Variants in CWC27 observed in about 807,000 individuals in gnomAD.
CWC27 encodes the protein CWC27 spliceosome associated cyclophilin, also known as spliceosome-associated protein CWC27 homolog.
A neutral mutation model predicts 63.6 loss-of-function variants in CWC27; 47 were observed. That is an observed-to-expected ratio of 0.74 (90% CI 0.58 to 0.94). The LOEUF is 0.94. CWC27 is among the 40% of genes least tolerant of loss of function. The pLI, the probability that CWC27 is intolerant of heterozygous loss-of-function variation, is 0.00. For missense variants in CWC27, 495 were observed against 554.3 expected, an observed-to-expected ratio of 0.89 and a Z score of 1.07; for synonymous variants, 175 against 179.8, an observed-to-expected ratio of 0.97 and a Z score of 0.22.
intron 11 of CWC27, among the ~76,000 whole-genome samples, chr5:64,927,563 CT>C (rs1748143251): frequency 1.3e-5 from 2 of 152,298 alleles, no homozygotes; most frequent in East Asian, 3.9e-4. Flanking sequence ...CCTAGTTCTT[CT>C]TAAGGCTAAT....
At position 64,878,759 on chromosome 5, in the gene CWC27, T is replaced by G. The variant is rs151285272; in HGVS notation, c.939-6684T>G. On this transcript the variant is annotated intron_variant, in intron 10 of 13. Transcript: ENST00000381070. ...TGAACAAAGGAGTATGTGTACTGAA[T>G]CTCAAAGTTTGCCATGGTAATTATG... is the stretch of plus-strand genomic sequence containing the variant. 5.3e-3 allele frequency among the ~76,000 whole-genome samples: 811 copies of G among 151,964 alleles called. 9 individuals are homozygous for G. Among genetic ancestry groups the G allele is most frequent in the Non-Finnish European group, 6.0e-3 (409 of 67,802 alleles).
chr5:64,901,901 G>A (rs1412741661), intron 11 of CWC27, among the ~76,000 whole-genome samples: 1 of 151,898 alleles, frequency 6.6e-6, no homozygotes, highest in Non-Finnish European at 1.5e-5. Flanking sequence ...TCACACAAAA[G>A]CCTAAGCCAA....
intron 13 of CWC27, among the ~76,000 whole-genome samples, chr5:65,013,068 TA>T (rs930971731): frequency 1.3e-5 from 2 of 151,658 alleles, no homozygotes; most frequent in South Asian, 2.1e-4. Flanking sequence ...AAATAAAAAA[TA>T]AAAAAAGGGG....
chr5:64,885,532 A>C lies in CWC27; in HGVS notation c.1028A>C (p.Glu343Ala). Residue 343 changes from glutamate to alanine, a missense_variant, in exon 11 of 14, where the codon GAA (glutamate) becomes GCA (alanine). Glu to Ala is a moderately radical substitution (Grantham distance 107). Around this residue, in one of 3 missense-constraint regions of CWC27, gnomAD observed 463 missense variants for 498.1 expected, o/e 0.93. Transcript: ENST00000381070. ...KKVENAAKQA[E>A]KRSEEEEAPP... The stretch of plus-strand genomic sequence containing the variant: ...GTAGAAAATGCAGCAAAACAAGCAG[A>C]AAAAAGAAGTGAAGGTAAGGGCATT... 1 of 1,600,228 alleles carries C rather than the reference A, an allele frequency of 6.2e-7. No individual in the cohort carries two copies. The highest frequency in any genetic ancestry group is 1.1e-5 in the South Asian group (1 of 88,498).
intron 11 of CWC27, among the ~76,000 whole-genome samples, chr5:64,928,183 C>G (rs557319049): frequency 3.3e-5 from 5 of 151,844 alleles, no homozygotes; most frequent in Non-Finnish European, 5.9e-5. Context: ...CAACAGTCAC[C>G]CACATTCACT....
intron 11 of CWC27, among the ~76,000 whole-genome samples, chr5:64,947,979 T>C (rs1229377407): frequency 6.6e-6 from 1 of 152,102 alleles, no homozygotes; most frequent in Non-Finnish European, 1.5e-5. Flanking sequence ...TTTATTATGG[T>C]CCTTGTCAGT....
intron 10 of CWC27, among the ~76,000 whole-genome samples, chr5:64,881,419 G>C (rs1273916064): frequency 6.6e-6 from 1 of 152,038 alleles, no homozygotes; most frequent in Admixed American, 6.5e-5. Flanking sequence ...ATGATGAACA[G>C]AGTTGTTTGC....
chr5:64,828,952 G>C (rs1444911552), intron 10 of CWC27, among the ~76,000 whole-genome samples: 1 of 152,124 alleles, frequency 6.6e-6, no homozygotes, highest in Non-Finnish European at 1.5e-5. Context: ...ACAGCCATCT[G>C]TGGTATGAGG....
At chr5:64,867,790 G>A (rs1361077528) in intron 10 of CWC27, among the ~76,000 whole-genome samples, 1 of 152,004 alleles carries the variant, frequency 6.6e-6, no homozygotes, top group Non-Finnish European at 1.5e-5. Flanking sequence ...GTGAGGGTTG[G>A]AGGTTACTTT....
chr5:64,921,048 G>A (rs1747987182), intron 11 of CWC27, among the ~76,000 whole-genome samples: 1 of 151,740 alleles, frequency 6.6e-6, no homozygotes, highest in African/African-American at 2.4e-5. Flanking sequence ...ATGAATTTGA[G>A]ATCTTTCTAA....
intron 10 of CWC27, among the ~76,000 whole-genome samples, chr5:64,831,778 T>C (rs569047512): frequency 4.6e-4 from 70 of 151,986 alleles, no homozygotes; most frequent in African/African-American, 1.7e-3. Context: ...AAAACATACA[T>C]TTTAGAAAAA....
intron 11 of CWC27, among the ~76,000 whole-genome samples, chr5:64,920,108 G>A (rs1257943750): frequency 6.6e-6 from 1 of 152,074 alleles, no homozygotes; most frequent in Non-Finnish European, 1.5e-5. Flanking sequence ...TGGGATTACA[G>A]GCACCCGCCA....
intron 10 of CWC27, among the ~76,000 whole-genome samples, chr5:64,869,166 G>A (rs751924347): frequency 2.0e-5 from 3 of 151,996 alleles, no homozygotes; most frequent in Non-Finnish European, 2.9e-5. Flanking sequence ...ACTGAAACTT[G>A]CCATGTATCT....
At chr5:65,003,463 C>G (rs1749769974) in intron 13 of CWC27, among the ~76,000 whole-genome samples, 1 of 151,970 alleles carries the variant, frequency 6.6e-6, no homozygotes, top group Non-Finnish European at 1.5e-5. Context: ...AGACTCCTTT[C>G]TCTTTCTCAT....
At chr5:64,828,184 T>C (rs749296761) in intron 10 of CWC27, among the ~76,000 whole-genome samples, 3 of 152,184 alleles carry the variant, frequency 2.0e-5, no homozygotes, top group Non-Finnish European at 2.9e-5. Flanking sequence ...ATTTTTAATT[T>C]AAGAAAAATG....
intron 10 of CWC27, among the ~76,000 whole-genome samples, chr5:64,848,963 G>A (rs6859549): frequency 0.35 from 53,570 of 151,840 alleles, 9,895 homozygotes; most frequent in East Asian, 0.51. Flanking sequence ...CTTCTATTCA[G>A]ATAGCACTAG....
chr5:64,929,596 C>A (rs185536019), intron 11 of CWC27, among the ~76,000 whole-genome samples: 222 of 152,178 alleles, frequency 1.5e-3, no homozygotes, highest in African/African-American at 5.0e-3. Flanking sequence ...GGACAATAAG[C>A]ACATGAAAAA....
chr5:64,797,270 G>A (rs924629659), intron 7 of CWC27, among the ~76,000 whole-genome samples: 18 of 151,992 alleles, frequency 1.2e-4, no homozygotes, highest in African/African-American at 3.6e-4. Context: ...GTTACTTGAC[G>A]GTATAAATAA....
intron 11 of CWC27, among the ~76,000 whole-genome samples, chr5:64,948,310 T>C (rs1748630659): frequency 6.6e-6 from 1 of 152,082 alleles, no homozygotes; most frequent in Non-Finnish European, 1.5e-5. Context: ...TATTGTTTTA[T>C]GATATTTCAA....
Sources: gnomAD v4.1 joint callset for allele counts (sites outside exome capture counted in the v4.1 genomes callset) on GRCh38, gnomAD v4.1.1 for gene constraint, gnomAD v4.1.1 regional missense constraint, MANE v1.5 for transcripts, NCBI Gene and HGNC (gene_info 2026-07-23, HGNC 2026-07-21) for gene names.